Variants in BPIFB2 observed in about 807,000 individuals in gnomAD.
The protein encoded by BPIFB2 is BPI fold containing family B member 2.
A neutral mutation model predicts 50.1 loss-of-function variants in BPIFB2; 39 were observed. The observed-to-expected ratio is 0.78, with a 90% CI of 0.60 to 1.02. The LOEUF is 1.02. Among genes scored for constraint, BPIFB2 ranks in the 50% least tolerant of loss-of-function variants. BPIFB2 has a pLI of 0.00. For missense variants in BPIFB2, 574 were observed against 585.8 expected (o/e 0.98, Z 0.21); for synonymous variants, 280 against 256.3 (o/e 1.09, Z -0.88).
chr20:33,008,598 C>A lies in BPIFB2; in HGVS notation c.24C>A (p.Gly8=), dbSNP rs979476629. ...CCATGGCTTGGGCAAGTAGGCTGGG[C>A]CTGCTGCTGGCACTGCTGCTGCCCG... MAWASRL[G]LLLALLLPVV... is the part of the protein sequence containing the mutation. The change falls in exon 2 of 16, where the codon GGC becomes GGA. Residue 8 remains glycine, a synonymous_variant. Coordinates refer to ENST00000170150, the MANE Select transcript of BPIFB2 (RefSeq NM_025227.3). 6.2e-7 allele frequency: 1 copy of A among 1,602,020 alleles called. No individual in the cohort carries two copies. Among genetic ancestry groups the A allele is most frequent in the Non-Finnish European group, 8.5e-7 (1 of 1,174,580 alleles).
rs553902806 is a variant in BPIFB2, at chr20:33,019,845, T to C, written c.1080+95T>C. 6.6e-6 allele frequency: 9 copies of C among 1,373,370 alleles called. No homozygotes were observed. In the African/African-American group the frequency reaches 7.3e-5, roughly 11 times the overall value. 85.1% of individuals were successfully genotyped at this position (1,373,370 alleles called of 1,614,324 possible). On this transcript the variant is annotated intron_variant, in intron 11 of 15. Coordinates refer to ENST00000170150, the MANE Select transcript of BPIFB2 (RefSeq NM_025227.3). ...CCTCATCTTTGCTCTACTCACACTA[T>C]TGTCTTCGCTGTTCCTTGAATGTGT...
At chr20:33,018,055 G>T (rs1273178169) in intron 7 of BPIFB2, among the ~76,000 whole-genome samples, 2 of 152,188 alleles carry the variant, frequency 1.3e-5, no homozygotes, top group East Asian at 3.8e-4. Context: ...AGAGTCAGCA[G>T]GCTGTGAGTA....
At chr20:33,013,763 G>A in intron 4 of BPIFB2, 47 bp from the exon 5 acceptor site, 2 of 1,585,672 alleles carry the variant, frequency 1.3e-6, no homozygotes, top group South Asian at 2.2e-5. Context: ...GTCATGGTGG[G>A]CTCTGCTGGG....
intron 15 of BPIFB2, 64 bp from the exon 16 acceptor site, chr20:33,023,278 G>T: frequency 6.6e-7 from 1 of 1,517,152 alleles, no homozygotes; most frequent in South Asian, 1.1e-5. Context: ...GCCAGGCTGA[G>T]GGGGCGGCTG....
At chr20:33,011,173 G>C in intron 3 of BPIFB2, 56 bp downstream of exon 3, 1 of 1,552,090 alleles carries the variant, frequency 6.4e-7, no homozygotes, top group South Asian at 1.1e-5. Context: ...GAGTGTTCCT[G>C]CTTGCCAGGT....
chr20:33,012,839 C>T lies in BPIFB2; in HGVS notation c.240C>T (p.His80=), dbSNP rs932752194. The part of the protein sequence containing the change: ...RILNVHVPRL[H]LKFIAGFGVR... Reference sequence around the variant, plus strand: ...TGAATGTCCATGTGCCCCGCCTCCACCTGAAATTCATTGCTGGTTTCGGAG... The same window carrying T: ...TGAATGTCCATGTGCCCCGCCTCCATCTGAAATTCATTGCTGGTTTCGGAG... The change falls in exon 4 of 16, where the codon CAC becomes CAT. Residue 80 remains histidine, a synonymous_variant. Coordinates refer to ENST00000170150, the MANE Select transcript of BPIFB2 (RefSeq NM_025227.3). The T allele has an allele frequency of 1.9e-6, 3 of 1,614,108 alleles. No homozygotes were observed. Among genetic ancestry groups the T allele is most frequent in the Admixed American group, 1.7e-5 (1 of 60,022 alleles).
chr20:33,011,028 T>C lies in BPIFB2; in HGVS notation c.114T>C (p.Ser38=). The stretch of plus-strand genomic sequence containing the variant: ...CACTCTACCCTGGCCCCACAGTGTC[T>C]GAAATTGGGAAAGCCCCTCTCCAGC... ...RLNKAALSYV[S]EIGKAPLQRA... The change falls in exon 3 of 16, where the codon TCT becomes TCC. Residue 38 remains serine (S), a synonymous_variant. Coordinates refer to ENST00000170150, the MANE Select transcript of BPIFB2 (RefSeq NM_025227.3). The C allele has an allele frequency of 6.2e-7, 1 of 1,613,924 alleles. No homozygotes were observed. Among genetic ancestry groups the C allele is most frequent in the Non-Finnish European group, 8.5e-7 (1 of 1,179,922 alleles).
At position 33,011,029 on chromosome 20, in the gene BPIFB2, G is replaced by T; in HGVS notation, c.115G>T (p.Glu39Ter). Reference protein sequence around the residue: ...LNKAALSYVSEIGKAPLQRAL... With the variant: ...LNKAALSYVS Reference sequence around the variant, plus strand: ...ACTCTACCCTGGCCCCACAGTGTCTGAAATTGGGAAAGCCCCTCTCCAGCG... The same window carrying T: ...ACTCTACCCTGGCCCCACAGTGTCTTAAATTGGGAAAGCCCCTCTCCAGCG... Residue 39 changes from glutamate to a stop codon, truncating the protein, a stop_gained, in exon 3 of 16, where the codon GAA (glutamate) becomes TAA (stop). Coordinates refer to ENST00000170150, the MANE Select transcript of BPIFB2 (RefSeq NM_025227.3). LOFTEE classifies it high-confidence loss of function. The T allele has an allele frequency of 6.2e-7, 1 of 1,613,998 alleles. No individual in the cohort carries two copies. The highest frequency in any genetic ancestry group is 8.5e-7 in the Non-Finnish European group (1 of 1,179,960).
chr20:33,023,242 G>A, intron 15 of BPIFB2, 100 bp from the exon 16 acceptor site: 1 of 1,240,838 alleles, frequency 8.1e-7, no homozygotes, highest in Non-Finnish European at 1.2e-6. Context: ...ACAACCCACA[G>A]CAAGAATGGC....
chr20:33,023,296 G>T lies in BPIFB2; in HGVS notation c.1336-46G>T, dbSNP rs1388934302. 6.9e-6 allele frequency: 11 copies of T among 1,591,362 alleles called. No homozygotes were observed. The Middle Eastern group carries it at 5.2e-4, about 75-fold the overall frequency. ...AGGCTGAGGGGGCGGCTGGGGTCCT[G>T]CCTGTGCCTCCTCTGACCTGGTCCA... On this transcript the variant is annotated intron_variant, in intron 15 of 15. Coordinates refer to ENST00000170150, the MANE Select transcript of BPIFB2 (RefSeq NM_025227.3).
chr20:33,008,626 G>T lies in BPIFB2; in HGVS notation c.52G>T (p.Val18Phe). 1 of 1,607,726 alleles carries T rather than the reference G, an allele frequency of 6.2e-7. No homozygotes were observed. Among genetic ancestry groups the T allele is most frequent in the South Asian group, 1.1e-5 (1 of 89,672 alleles). ...GLLLALLLPV[V>F]GASTPGTVVR... ...GCTGCTGGCACTGCTGCTGCCCGTGGTCGGTGCCTCCACGCCAGGCACCGT... is the reference window on the plus strand; with the variant it reads ...GCTGCTGGCACTGCTGCTGCCCGTGTTCGGTGCCTCCACGCCAGGCACCGT... Residue 18 changes from valine to phenylalanine, a missense_variant, in exon 2 of 16, where the codon GTC becomes TTC. Transcript: ENST00000170150.
intron 7 of BPIFB2, 73 bp from the exon 8 acceptor site, chr20:33,018,186 T>C: frequency 8.4e-7 from 1 of 1,186,756 alleles, no homozygotes; most frequent in Admixed American, 2.0e-5. Context: ...AAATAAACTT[T>C]TCTGGATAGA....
chr20:33,021,213 G>A, intron 13 of BPIFB2, 68 bp from the exon 14 acceptor site: 1 of 1,520,524 alleles, frequency 6.6e-7, no homozygotes, highest in South Asian at 1.1e-5. Context: ...TTATGTATGT[G>A]CCTGACTGTC....
intron 15 of BPIFB2, among the ~76,000 whole-genome samples, chr20:33,022,621 G>A (rs551942873): frequency 1.3e-5 from 2 of 152,312 alleles, no homozygotes; most frequent in East Asian, 1.9e-4. Context: ...TTTCTGCAAG[G>A]ATGGAAATTT....
intron 15 of BPIFB2, among the ~76,000 whole-genome samples, chr20:33,022,565 G>A (rs1978715159): frequency 6.6e-6 from 1 of 152,186 alleles, no homozygotes. Flanking sequence ...CCAGCCACTG[G>A]GTCAGAGGTG....
intron 1 of BPIFB2, 65 bp from the exon 2 acceptor site, chr20:33,008,476 G>A: frequency 1.1e-6 from 1 of 907,056 alleles, no homozygotes; most frequent in Non-Finnish European, 1.6e-6. Context: ...AGGCTGGAGT[G>A]GGGTTCGGGT....
rs565493383 is a variant in BPIFB2 at position 33,008,629 on chromosome 20, G to A, written c.55G>A (p.Gly19Ser). Residue 19 changes from glycine to serine, a missense_variant, in exon 2 of 16, where the codon GGT (glycine) becomes AGT (serine). Gly to Ser is a moderately conservative substitution (Grantham distance 56). Coordinates refer to ENST00000170150, the MANE Select transcript of BPIFB2 (RefSeq NM_025227.3). ...GCTGGCACTGCTGCTGCCCGTGGTC[G>A]GTGCCTCCACGCCAGGCACCGTGGT... ...LLLALLLPVV[G>S]ASTPGTVVRL... The A allele has an allele frequency of 7.3e-5, 117 of 1,607,566 alleles. 1 individual carries two copies. The highest frequency in any genetic ancestry group is 6.1e-4 in the Admixed American group (36 of 59,410).
At chr20:33,011,545 C>T (rs568263625) in intron 3 of BPIFB2, among the ~76,000 whole-genome samples, 30 of 152,328 alleles carry the variant, frequency 2.0e-4, no homozygotes, top group Non-Finnish European at 3.7e-4. Flanking sequence ...TGTGGAGCAT[C>T]CCAAACTTAG....
Position 33,018,649 on chromosome 20 carries a change from C to T in BPIFB2, c.682C>T (p.Leu228=). 5.6e-6 allele frequency: 9 copies of T among 1,612,550 alleles called. No homozygotes were observed. Among genetic ancestry groups the T allele is most frequent in the Non-Finnish European group, 5.9e-6 (7 of 1,179,294 alleles). The change falls in exon 9 of 16, where the codon CTG becomes TTG. Residue 228 remains leucine, a synonymous_variant. Coordinates refer to ENST00000170150, the MANE Select transcript of BPIFB2 (RefSeq NM_025227.3). Reference sequence around the variant, plus strand: ...CCCACCCCTACAGGCTGTTCTCTTCCTGCTGGGCAAGCCCATCATCCTGCC... The same window carrying T: ...CCCACCCCTACAGGCTGTTCTCTTCTTGCTGGGCAAGCCCATCATCCTGCC... ...ISLEVNAVLF[L]LGKPIILPTD... is the part of the protein sequence containing the mutation.
Sources: allele counts gnomAD v4.1 joint callset (sites outside exome capture counted in the v4.1 genomes callset), GRCh38; gene constraint gnomAD v4.1.1; transcripts MANE v1.5; gene names NCBI Gene and HGNC (gene_info 2026-07-23, HGNC 2026-07-21).